Variants in MAML2 observed in about 807,000 individuals in gnomAD.
MAML2 encodes the protein mastermind like transcriptional coactivator 2.
A neutral mutation model predicts 96.1 loss-of-function variants in MAML2; 22 were observed. The observed-to-expected ratio is 0.23, with a 90% CI of 0.16 to 0.33. The LOEUF (loss-of-function observed/expected upper bound fraction) is 0.33. Ranked by LOEUF, MAML2 falls within the 10% of genes least tolerant of loss-of-function variation. The pLI is 1.00. For synonymous variants in MAML2, 561 were observed against 521.3 expected (o/e 1.08, Z -1.04); for missense variants, 1,367 against 1,392.4 (o/e 0.98, Z 0.29).
At chr11:96,073,034 A>G (rs1859371801) in intron 2 of MAML2, among the ~76,000 whole-genome samples, 1 of 152,226 alleles carries the variant, frequency 6.6e-6, no homozygotes, top group East Asian at 1.9e-4. Flanking sequence ...AGGACTTAAA[A>G]AAACTATTAT....
chr11:96,108,685 T>G (rs1216021238), intron 1 of MAML2, among the ~76,000 whole-genome samples: 1 of 151,884 alleles, frequency 6.6e-6, no homozygotes, highest in African/African-American at 2.4e-5. Flanking sequence ...TACAACAACG[T>G]TGAGAGATGG....
At chr11:96,090,632 G>GTT (rs1230358014) in intron 2 of MAML2, among the ~76,000 whole-genome samples, 2 of 152,160 alleles carry the variant, frequency 1.3e-5, no homozygotes, top group African/African-American at 4.8e-5. Flanking sequence ...AAACATATGT[G>GTT]TGTATATATA....
intron 2 of MAML2, among the ~76,000 whole-genome samples, chr11:96,061,665 TA>T (rs1408308699): frequency 2.0e-5 from 3 of 152,188 alleles, no homozygotes; most frequent in Non-Finnish European, 4.4e-5. Flanking sequence ...ACTTTCCTCC[TA>T]GATAAAAGGC....
chr11:96,264,173 C>T (rs971167604), intron 1 of MAML2, among the ~76,000 whole-genome samples: 1 of 152,146 alleles, frequency 6.6e-6, no homozygotes, highest in Non-Finnish European at 1.5e-5. Flanking sequence ...GGGAGCCTAG[C>T]CCAATGCAGA....
intron 2 of MAML2, among the ~76,000 whole-genome samples, chr11:96,053,092 G>A (rs574874257): frequency 6.6e-6 from 1 of 152,344 alleles, no homozygotes; most frequent in South Asian, 2.1e-4. Flanking sequence ...GGAACAGAAA[G>A]TTGGCAAAGA....
rs187946382 is a variant in MAML2, at chr11:96,314,000, T to A, written c.513+27383A>T. ...GCTTGAGTAGGAGCACAGTAATTCA[T>A]CTGGTGTTTCTGCTTTCTAAATTTG... On this transcript the variant is annotated intron_variant, in intron 1 of 4. Coordinates refer to ENST00000524717, the MANE Select transcript of MAML2 (RefSeq NM_032427.4). Among the ~76,000 whole-genome samples, 4 of 152,350 alleles carry A rather than the reference T, an allele frequency of 2.6e-5. No individual in the cohort carries two copies. In the East Asian group the frequency reaches 7.7e-4, roughly 29 times the overall value.
chr11:96,293,118 T>C (rs1863238946), intron 1 of MAML2, among the ~76,000 whole-genome samples: 1 of 152,194 alleles, frequency 6.6e-6, no homozygotes. Context: ...AGCTATAAAG[T>C]CATGGACAAC....
At chr11:96,206,487 A>T (rs1861897718) in intron 1 of MAML2, among the ~76,000 whole-genome samples, 1 of 152,282 alleles carries the variant, frequency 6.6e-6, no homozygotes, top group East Asian at 1.9e-4. Flanking sequence ...AATCCTAGCC[A>T]CTCAGGAGCC....
chr11:96,269,912 T>C (rs1862891379), intron 1 of MAML2, among the ~76,000 whole-genome samples: 1 of 144,168 alleles, frequency 6.9e-6, no homozygotes, highest in Admixed American at 7.3e-5. Flanking sequence ...CCTCTAAACG[T>C]TGGGAGCCCC....
At chr11:96,326,507 C>T (rs7124761) in intron 1 of MAML2, among the ~76,000 whole-genome samples, 64,498 of 151,792 alleles carry the variant, frequency 0.42, 14,321 homozygotes, top group African/African-American at 0.58. Flanking sequence ...AAAACTATCT[C>T]GAGTTTAGGC....
At chr11:96,038,242 T>G (rs187735543) in intron 2 of MAML2, among the ~76,000 whole-genome samples, 126 of 152,300 alleles carry the variant, frequency 8.3e-4, no homozygotes, top group African/African-American at 2.9e-3. Context: ...CATTTTTTTG[T>G]TTGCTTGTTT....
At chr11:96,084,648 A>G (rs1019275493) in intron 2 of MAML2, among the ~76,000 whole-genome samples, 2 of 152,216 alleles carry the variant, frequency 1.3e-5, no homozygotes, top group Admixed American at 6.5e-5. Flanking sequence ...AGGCTGGTTC[A>G]AAATTGGTCT....
At chr11:96,324,878 C>T (rs2136013640) in intron 1 of MAML2, among the ~76,000 whole-genome samples, 1 of 152,234 alleles carries the variant, frequency 6.6e-6, no homozygotes, top group Middle Eastern at 3.4e-3. Context: ...TTCATAATGA[C>T]CTTGTAGCCC....
Position 95,991,513 on chromosome 11 carries a change from G to C in MAML2, c.2343+7C>G. 1 of 1,613,334 alleles carries C rather than the reference G, an allele frequency of 6.2e-7. No individual in the cohort carries two copies. The highest frequency in any genetic ancestry group is 8.5e-7 in the Non-Finnish European group (1 of 1,179,382). On this transcript the variant is annotated splice_region_variant and intron_variant, in intron 3 of 4. Transcript: ENST00000524717. The stretch of plus-strand genomic sequence containing the variant: ...TTTGTTCAGTAGAAATTAAGAGAAA[G>C]TTTTACCGCGTCAGCCAGCATCTGC...
intron 1 of MAML2, among the ~76,000 whole-genome samples, chr11:96,247,464 G>A (rs1014558680): frequency 6.6e-6 from 1 of 152,030 alleles, no homozygotes; most frequent in Non-Finnish European, 1.5e-5. Flanking sequence ...AACTTCCTAT[G>A]GGAAAAATTT....
chr11:96,265,703 C>T lies in MAML2; in HGVS notation c.513+75680G>A, dbSNP rs552045136. On this transcript the variant is annotated intron_variant, in intron 1 of 4. Coordinates refer to ENST00000524717, the MANE Select transcript of MAML2 (RefSeq NM_032427.4). Reference sequence around the variant, plus strand: ...GCAGAGGAACACACAAGCGGCTAGACGTTGAGTGGAACTCACCAGCAGGCA... The same window carrying T: ...GCAGAGGAACACACAAGCGGCTAGATGTTGAGTGGAACTCACCAGCAGGCA... 7.2e-5 allele frequency among the ~76,000 whole-genome samples: 11 copies of T among 152,330 alleles called. No homozygotes were observed. The East Asian group carries it at 9.6e-4, about 13-fold the overall frequency.
At chr11:96,300,609 G>C (rs571993547) in intron 1 of MAML2, among the ~76,000 whole-genome samples, 25 of 152,252 alleles carry the variant, frequency 1.6e-4, no homozygotes, top group Non-Finnish European at 2.6e-4. Flanking sequence ...TCTGATGTCA[G>C]AGAGTGTGGG....
intron 2 of MAML2, among the ~76,000 whole-genome samples, chr11:96,077,219 C>CTCTCTT (rs1555005491): frequency 4.2e-5 from 4 of 94,122 alleles, no homozygotes; most frequent in African/African-American, 1.8e-4. Context: ...CTCTCTCTCT[C>CTCTCTT]TTTTTTTTTT....
Position 96,102,232 on chromosome 11 carries a change from C to G in MAML2, c.514-8715G>C, listed in dbSNP as rs553974652. On this transcript the variant is annotated intron_variant, in intron 1 of 4. Coordinates refer to ENST00000524717, the MANE Select transcript of MAML2 (RefSeq NM_032427.4). Reference sequence around the variant, plus strand: ...CGGAGCTTGCAGTGAGCCGAGATCGCGTCACTGCACTCCAGCCTGGGTGAC... The same window carrying G: ...CGGAGCTTGCAGTGAGCCGAGATCGGGTCACTGCACTCCAGCCTGGGTGAC... Among the ~76,000 whole-genome samples the G allele has an allele frequency of 2.5e-3, 384 of 152,276 alleles. 5 individuals carry two copies. Among genetic ancestry groups the G allele is most frequent in the African/African-American group, 8.9e-3 (370 of 41,556 alleles).
Sources: allele counts gnomAD v4.1 joint callset (sites outside exome capture counted in the v4.1 genomes callset), GRCh38; gene constraint gnomAD v4.1.1; transcripts MANE v1.5; gene names NCBI Gene and HGNC (gene_info 2026-07-23, HGNC 2026-07-21).